The following KANSL1 variants were observed in gnomAD, a reference collection of about 807,000 sequenced individuals.
The protein encoded by KANSL1 is KAT8 regulatory NSL complex subunit 1, also known as MLL1/MLL complex subunit KANSL1.
In KANSL1, 22 loss-of-function variants were observed where a neutral mutation model predicts 103.6. The ratio of observed to expected loss-of-function variants is 0.21; its 90% CI spans 0.15 to 0.30. The LOEUF (loss-of-function observed/expected upper bound fraction) is 0.30, where lower values mean the gene tolerates loss of function less well. Among genes scored for constraint, KANSL1 ranks in the 10% least tolerant of loss-of-function variants. The probability of loss-of-function intolerance (pLI) is 1.00; values close to 1 mark genes in which losing one functional copy is unlikely to be tolerated. For missense variants in KANSL1, 1,337 were observed against 1,399.8 expected, an observed-to-expected ratio of 0.96 and a Z score of 0.72; for synonymous variants, 600 against 527.6, an observed-to-expected ratio of 1.14 and a Z score of -1.88.
At position 46,171,348 on chromosome 17, in the gene KANSL1, T is replaced by C. The variant is rs1255070902; in HGVS notation, c.796A>G (p.Lys266Glu). ...AGAATGGAAGACAGGGGAGACTTTTTACCCTCCAATTTGACACCCCCCAAG... is the reference window on the plus strand; with the variant it reads ...AGAATGGAAGACAGGGGAGACTTTTCACCCTCCAATTTGACACCCCCCAAG... ...SNLGGVKLEG[K>E]KSPLSSILFS... The change falls in exon 2 of 15, where the codon AAA becomes GAA. Residue 266 changes from lysine to glutamate, a missense_variant. Lys to Glu is a moderately conservative substitution (Grantham distance 56). Around this residue, in one of 2 missense-constraint regions of KANSL1, gnomAD observed 557 missense variants for 476.4 expected, o/e 1.17. Transcript: ENST00000432791. 1 of 1,614,212 alleles carries C rather than the reference T, an allele frequency of 6.2e-7. No homozygotes were observed.
intron 2 of KANSL1, among the ~76,000 whole-genome samples, chr17:46,152,641 A>G (rs2045184287): frequency 6.6e-6 from 1 of 152,080 alleles, no homozygotes; most frequent in Non-Finnish European, 1.5e-5. Context: ...TGAAAAGAGC[A>G]GGTGTCAGAC....
At chr17:46,139,294 G>GCC (rs149448126) in intron 2 of KANSL1, among the ~76,000 whole-genome samples, 16,689 of 115,602 alleles carry the variant, frequency 0.14, 1 homozygote, top group Middle Eastern at 0.21. Context: ...TCTTTCATAG[G>GCC]CCAAAAAAAA....
intron 6 of KANSL1, among the ~76,000 whole-genome samples, chr17:46,058,500 A>C (rs2078009754): frequency 6.6e-6 from 1 of 152,246 alleles, no homozygotes; most frequent in African/African-American, 2.4e-5. Context: ...GAAAATTATT[A>C]ATTGGATTTT....
chr17:46,200,408 A>G (rs939211114), intron 1 of KANSL1, among the ~76,000 whole-genome samples: 6 of 152,216 alleles, frequency 3.9e-5, no homozygotes, highest in African/African-American at 1.2e-4. Context: ...TTCAAAGAGA[A>G]AAGGAGGCAG....
chr17:46,170,864 T>C lies in KANSL1; in HGVS notation c.1280A>G (p.His427Arg), dbSNP rs1166960320. Reference protein sequence around the residue: ...ELTRADPEQRHVPLRRRSEWK... With the variant: ...ELTRADPEQRRVPLRRRSEWK... ...CATGAGGTCTACTCACAGGGGTACA[T>C]GACGCTGCTCGGGATCAGCTCTGGT... Residue 427 changes from histidine (H) to arginine (R), a missense_variant, in exon 2 of 15, where the codon CAT becomes CGT. This residue lies in a region of KANSL1 where 780 missense variants were observed against 923.4 expected (regional missense o/e 0.84). Coordinates refer to ENST00000432791, the MANE Select transcript of KANSL1 (RefSeq NM_015443.4). The C allele has an allele frequency of 1.2e-6, 2 of 1,604,402 alleles. No individual in the cohort carries two copies. Among genetic ancestry groups the C allele is most frequent in the South Asian group, 1.1e-5 (1 of 90,320 alleles).
chr17:46,184,265 G>C (rs527437675), intron 1 of KANSL1, among the ~76,000 whole-genome samples: 15 of 152,194 alleles, frequency 9.9e-5, no homozygotes, highest in Non-Finnish European at 1.9e-4. Flanking sequence ...TGCACAGAGG[G>C]TGAGGGTTGG....
intron 1 of KANSL1, chr17:46,192,565 A>G (rs1373095499): frequency 6.5e-6 from 1 of 152,912 alleles, no homozygotes; most frequent in Non-Finnish European, 1.5e-5. Flanking sequence ...ATAGAACGCC[A>G]AAGGAAAAGC....
intron 2 of KANSL1, among the ~76,000 whole-genome samples, chr17:46,124,448 A>G (rs1282400860): frequency 6.6e-6 from 1 of 152,244 alleles, no homozygotes; most frequent in Non-Finnish European, 1.5e-5. Context: ...AGAGATGTAC[A>G]AGGATATAAA....
At chr17:46,133,449 T>TA (rs2043966300) in intron 2 of KANSL1, among the ~76,000 whole-genome samples, 1 of 152,130 alleles carries the variant, frequency 6.6e-6, no homozygotes, top group South Asian at 2.1e-4. Flanking sequence ...AATGACAACA[T>TA]ACTATGAAAA....
chr17:46,101,679 G>A (rs556688889), intron 2 of KANSL1, among the ~76,000 whole-genome samples: 1 of 148,086 alleles, frequency 6.8e-6, no homozygotes, highest in Non-Finnish European at 1.5e-5. Context: ...GCTTGAACCC[G>A]GGAGGCAGAG....
intron 1 of KANSL1, among the ~76,000 whole-genome samples, chr17:46,175,935 T>C (rs1170352878): frequency 1.3e-5 from 2 of 152,270 alleles, no homozygotes; most frequent in Non-Finnish European, 2.9e-5. Flanking sequence ...TGGACCAATA[T>C]AGTTGTTAAA....
chr17:46,200,703 G>A (rs2047772952), intron 1 of KANSL1, among the ~76,000 whole-genome samples: 1 of 152,086 alleles, frequency 6.6e-6, no homozygotes, highest in Non-Finnish European at 1.5e-5. Flanking sequence ...GATCACGCCA[G>A]TGCACTCCAG....
intron 2 of KANSL1, among the ~76,000 whole-genome samples, chr17:46,142,220 C>T (rs1244610415): frequency 6.6e-6 from 1 of 152,200 alleles, no homozygotes; most frequent in Non-Finnish European, 1.5e-5. Context: ...GGCAAAAGAT[C>T]AACAGACAAA....
rs749206026 is a variant in KANSL1 at position 46,171,430 on chromosome 17, T to C, written c.714A>G (p.Glu238=). 2 of 1,614,088 alleles carry C rather than the reference T, an allele frequency of 1.2e-6. No homozygotes were observed. The highest frequency in any genetic ancestry group is 8.5e-7 in the Non-Finnish European group (1 of 1,180,002). ...TANKSSVNSM[E]QPALQGSSRL... is the part of the protein sequence containing the mutation. ...TACTGCTTCCTTGAAGTGCCGGCTG[T>C]TCCATGGAATTGACAGAGGATTTGT... Residue 238 remains glutamate (E), a synonymous_variant, in exon 2 of 15, where the codon GAA becomes GAG. Coordinates refer to ENST00000432791, the MANE Select transcript of KANSL1 (RefSeq NM_015443.4).
At chr17:46,148,373 T>A (rs2044853654) in intron 2 of KANSL1, 1 of 152,256 alleles carries the variant, frequency 6.6e-6, no homozygotes, top group Admixed American at 6.5e-5. Flanking sequence ...TATGTTCACA[T>A]ATATAACTAT....
chr17:46,191,454 T>C (rs1390361125), intron 1 of KANSL1, among the ~76,000 whole-genome samples: 5 of 152,238 alleles, frequency 3.3e-5, no homozygotes, highest in East Asian at 3.8e-4. Context: ...CCTTTGTAAA[T>C]AGTGGTCCTT....
intron 2 of KANSL1, among the ~76,000 whole-genome samples, chr17:46,125,068 A>AGGGAGAGAG (rs1475515204): frequency 4.3e-5 from 1 of 23,030 alleles, no homozygotes; most frequent in African/African-American, 1.7e-4. Flanking sequence ...GGAGGGAGGG[A>AGGGAGAGAG]GGAGGGAGGG....
chr17:46,110,254 AG>A (rs1221311093), intron 2 of KANSL1, among the ~76,000 whole-genome samples: 3 of 152,240 alleles, frequency 2.0e-5, no homozygotes, highest in Non-Finnish European at 4.4e-5. Flanking sequence ...TATAATAAGA[AG>A]GTTTATGTTT....
intron 6 of KANSL1, among the ~76,000 whole-genome samples, chr17:46,062,478 C>T (rs965284572): frequency 2.7e-5 from 4 of 150,742 alleles, no homozygotes; most frequent in African/African-American, 9.7e-5. Context: ...CCTGCCCCAG[C>T]CTCTCGAGTA....
Sources: allele counts gnomAD v4.1 joint callset (sites outside exome capture counted in the v4.1 genomes callset), GRCh38; gene constraint gnomAD v4.1.1; regional missense constraint gnomAD v4.1.1; transcripts MANE v1.5; gene names NCBI Gene and HGNC (gene_info 2026-07-23, HGNC 2026-07-21).